LIPA: variants seen among roughly 807,000 people sequenced by gnomAD.
LIPA encodes the protein lysosomal acid lipase/cholesteryl ester hydrolase.
LIPA carries 26 observed loss-of-function variants against 40.6 expected under a neutral mutation model. The ratio of observed to expected loss-of-function variants is 0.64; its 90% confidence interval spans 0.47 to 0.89. The LOEUF is 0.89. LIPA is among the 40% of genes least tolerant of loss of function. The pLI is 0.00. For synonymous variants in LIPA, 188 were observed against 168.4 expected (o/e 1.12, Z -0.90); for missense variants, 455 against 479.6 (o/e 0.95, Z 0.48).
chr10:89,361,378 G>C (rs1844020851), intron 2 of LIPA, among the ~76,000 whole-genome samples: 1 of 152,158 alleles, frequency 6.6e-6, no homozygotes, highest in South Asian at 2.1e-4. Context: ...AATAAAACTA[G>C]AAATGTTTAT....
At position 89,226,954 on chromosome 10, in the gene LIPA, A is replaced by C; in HGVS notation, c.479T>G (p.Leu160Arg). 1 of 1,613,624 alleles carries C rather than the reference A, an allele frequency of 6.2e-7. No homozygotes were observed. Among genetic ancestry groups the C allele is most frequent in the Middle Eastern group, 1.7e-4 (1 of 5,948 alleles). Reference sequence around the variant, plus strand: ...CACTTGTTCTTGGCCAGTTTTATTCAGAATGAAGTTAATGGAAGCTGGTAG... The same window carrying C: ...CACTTGTTCTTGGCCAGTTTTATTCCGAATGAAGTTAATGGAAGCTGGTAG... ...YDLPASINFI[L>R]NKTGQEQVYY... Residue 160 changes from leucine to arginine, a missense_variant, in exon 5 of 10, where the codon CTG (leucine) becomes CGG (arginine). Coordinates refer to ENST00000336233, the MANE Select transcript of LIPA (RefSeq NM_000235.4).
chr10:89,232,251 G>C (rs1328227075), intron 3 of LIPA, among the ~76,000 whole-genome samples: 1 of 152,232 alleles, frequency 6.6e-6, no homozygotes, highest in Non-Finnish European at 1.5e-5. Context: ...ACACTTTCTA[G>C]AAAGAGGGGC....
intron 1 of LIPA, among the ~76,000 whole-genome samples, chr10:89,269,359 AT>A (rs1843253867): frequency 6.6e-6 from 1 of 152,144 alleles, no homozygotes; most frequent in East Asian, 1.9e-4. Context: ...GTTTATTTCT[AT>A]TTTTTAAGCC....
chr10:89,287,526 C>T (rs977620801), intron 1 of LIPA, among the ~76,000 whole-genome samples: 1 of 152,088 alleles, frequency 6.6e-6, no homozygotes, highest in African/African-American at 2.4e-5. Flanking sequence ...CATTGCCACC[C>T]TTCTTCCCAA....
chr10:89,353,642 G>C (rs557159905), intron 2 of LIPA, among the ~76,000 whole-genome samples: 1 of 152,308 alleles, frequency 6.6e-6, no homozygotes, highest in South Asian at 2.1e-4. Flanking sequence ...CCATGCACTT[G>C]AATCTCTTAA....
At chr10:89,219,551 A>G (rs1015732528) in intron 8 of LIPA, among the ~76,000 whole-genome samples, 4 of 152,248 alleles carry the variant, frequency 2.6e-5, no homozygotes, top group Non-Finnish European at 4.4e-5. Flanking sequence ...TTAAACAAAA[A>G]GTAAACTTCT....
intron 3 of LIPA, among the ~76,000 whole-genome samples, chr10:89,237,050 G>A (rs1009937640): frequency 4.6e-5 from 7 of 152,206 alleles, no homozygotes. Flanking sequence ...AAAGTGGGAG[G>A]ACCTCTTGAG....
At chr10:89,326,449 T>C (rs935964153) in intron 1 of LIPA, among the ~76,000 whole-genome samples, 1 of 152,148 alleles carries the variant, frequency 6.6e-6, no homozygotes, top group Non-Finnish European at 1.5e-5. Context: ...GGAAGAGTAG[T>C]AGCGGGGGAA....
intron 1 of LIPA, among the ~76,000 whole-genome samples, chr10:89,317,488 G>A (rs1354521687): frequency 6.6e-6 from 1 of 152,172 alleles, no homozygotes; most frequent in Non-Finnish European, 1.5e-5. Context: ...TCAAATGAAT[G>A]AAATGAAGTG....
intron 2 of LIPA, among the ~76,000 whole-genome samples, chr10:89,382,778 C>T (rs1014644719): frequency 2.0e-5 from 3 of 152,250 alleles, no homozygotes; most frequent in Admixed American, 2.0e-4. Context: ...AGAAACCCTA[C>T]CACATTCTCC....
chr10:89,363,206 A>T (rs907379996), intron 2 of LIPA: 1 of 191,964 alleles, frequency 5.2e-6, no homozygotes, highest in African/African-American at 2.3e-5. Context: ...AGACAAAAAA[A>T]GCTAAAGGCA....
chr10:89,341,503 G>GT (rs768660622), intron 1 of LIPA, among the ~76,000 whole-genome samples: 11 of 152,180 alleles, frequency 7.2e-5, no homozygotes, highest in Admixed American at 2.0e-4. Flanking sequence ...GTAATATCTA[G>GT]TCACAAAGGT....
intron 3 of LIPA, among the ~76,000 whole-genome samples, chr10:89,241,176 AG>A (rs1842960677): frequency 6.6e-6 from 1 of 152,192 alleles, no homozygotes; most frequent in Non-Finnish European, 1.5e-5. Flanking sequence ...GGAAGGGGAC[AG>A]GGCAGAGCAC....
At chr10:89,315,672 G>A (rs1843537863) in intron 1 of LIPA, among the ~76,000 whole-genome samples, 1 of 152,124 alleles carries the variant, frequency 6.6e-6, no homozygotes, top group Non-Finnish European at 1.5e-5. Flanking sequence ...AATAATATGT[G>A]TATTACTTTT....
At chr10:89,344,732 T>C (rs1372272188), upstream of LIPA, among the ~76,000 whole-genome samples, 2 of 152,120 alleles carry the variant, frequency 1.3e-5, no homozygotes, top group East Asian at 3.8e-4. Flanking sequence ...ACTTTTTACA[T>C]AGTTCTCAAA....
chr10:89,406,714 T>C (rs912474300), intron 2 of LIPA, among the ~76,000 whole-genome samples: 1 of 151,952 alleles, frequency 6.6e-6, no homozygotes, highest in African/African-American at 2.4e-5. Context: ...CATCTGAACA[T>C]TGAAAGGAAC....
At position 89,241,279 on chromosome 10, in the gene LIPA, G is replaced by A. The variant is rs536521901; in HGVS notation, c.229+4397C>T. The stretch of plus-strand genomic sequence containing the variant: ...TGACCTCACTTATGCTGCTCCATTA[G>A]GCAAAGGTTCTGAATGCAATCCCCT... On this transcript the variant is annotated intron_variant, in intron 3 of 9. Coordinates refer to ENST00000336233, the MANE Select transcript of LIPA (RefSeq NM_000235.4). 2.0e-5 allele frequency among the ~76,000 whole-genome samples: 3 copies of A among 152,250 alleles called. No homozygotes were observed. The South Asian group carries it at 6.2e-4, about 32-fold the overall frequency.
chr10:89,378,154 C>A, intron 2 of LIPA: 2 of 1,613,688 alleles, frequency 1.2e-6, no homozygotes, highest in Non-Finnish European at 1.7e-6. Flanking sequence ...AAGTCTTTCT[C>A]TGCTTCACTG....
At chr10:89,392,963 G>T (rs1722214767) in intron 2 of LIPA, 2 of 662,986 alleles carry the variant, frequency 3.0e-6, no homozygotes, top group South Asian at 2.0e-5. Context: ...ATAGCCCAAA[G>T]AAGGGGAGGG....
Sources: allele counts gnomAD v4.1 joint callset (sites outside exome capture counted in the v4.1 genomes callset), GRCh38; gene constraint gnomAD v4.1.1; transcripts MANE v1.5; gene names NCBI Gene and HGNC (gene_info 2026-07-23, HGNC 2026-07-21).